Variants in KIF13A observed in about 807,000 individuals in gnomAD.
The protein encoded by KIF13A is kinesin-like protein KIF13A.
KIF13A carries 79 observed loss-of-function variants against 212.2 expected under a neutral mutation model. That is an observed-to-expected ratio of 0.37 (90% CI 0.31 to 0.45). The LOEUF (loss-of-function observed/expected upper bound fraction) is 0.45, where lower values mean the gene tolerates loss of function less well. Ranked by LOEUF, KIF13A falls within the 20% of genes least tolerant of loss-of-function variation. The pLI is 1.00. For missense variants in KIF13A, 1,901 were observed against 2,209.0 expected, an observed-to-expected ratio of 0.86 and a Z score of 2.79; for synonymous variants, 789 against 808.6, an observed-to-expected ratio of 0.98 and a Z score of 0.41.
chr6:17,864,772 T>C (rs756955426), intron 4 of KIF13A, among the ~76,000 whole-genome samples: 14 of 152,194 alleles, frequency 9.2e-5, no homozygotes, highest in Admixed American at 5.2e-4. Context: ...GCTGGAATTA[T>C]AGTCATTGTA....
chr6:17,798,699 G>A (rs1302908768), intron 22 of KIF13A, among the ~76,000 whole-genome samples: 3 of 152,198 alleles, frequency 2.0e-5, no homozygotes, highest in African/African-American at 7.2e-5. Flanking sequence ...GCCAGGAAGA[G>A]TATATGATGT....
In KIF13A at chr6:17,872,517, A is replaced by G. The variant is rs114341162; in HGVS notation, c.220+860T>C. 0.012 allele frequency among the ~76,000 whole-genome samples: 1,840 copies of G among 152,372 alleles called. 38 individuals are homozygous for G. Among genetic ancestry groups the G allele is most frequent in the African/African-American group, 0.042 (1,748 of 41,572 alleles). On this transcript the variant is annotated intron_variant, in intron 4 of 38. Coordinates refer to ENST00000259711, the MANE Select transcript of KIF13A (RefSeq NM_022113.6). This position sits in a 1 kb window ranked among gnomAD's most constrained non-coding sequence, Gnocchi z 4.7. The stretch of plus-strand genomic sequence containing the variant: ...TTAAGTGTTCTTACCACAAAAAAGG[A>G]TAAGTTCATGAGGTAAAGCATGTGT...
intron 25 of KIF13A, among the ~76,000 whole-genome samples, chr6:17,793,931 C>T (rs536827033): frequency 6.6e-6 from 1 of 151,524 alleles, no homozygotes; most frequent in African/African-American, 2.4e-5. Flanking sequence ...AAAACACACA[C>T]AAAAAAACCC....
chr6:17,942,973 T>C (rs944524420), intron 2 of KIF13A, among the ~76,000 whole-genome samples: 1 of 151,734 alleles, frequency 6.6e-6, no homozygotes, highest in South Asian at 2.1e-4. Context: ...AGTGAGACTC[T>C]GTCTCAAAAA....
chr6:17,833,954 AAGCT>A lies in KIF13A; in HGVS notation c.1266+3_1266+6del, dbSNP rs1562033251. ...CCCAATATTTTAGGGCTAAATTATC[AAGCT>A]ACCTGTGCTATCTCTTCTGTTTTTC... On this transcript the variant is annotated splice_donor_5th_base_variant and intron_variant, in intron 12 of 38. Transcript: ENST00000259711. The A allele has an allele frequency of 1.4e-6, 2 of 1,461,954 alleles. No homozygotes were observed. The highest frequency in any genetic ancestry group is 1.9e-6 in the Non-Finnish European group (2 of 1,075,480). The allele number at this position is 1,461,954 out of a possible 1,614,324, so 90.6% of individuals were successfully genotyped here. A position where few individuals can be genotyped will look rare whatever the true frequency, so the allele number is the denominator to read the frequency against.
Position 17,987,148 on chromosome 6 carries a change from A to C in KIF13A, c.56-4T>G, listed in dbSNP as rs1162234723. 5.0e-6 allele frequency: 8 copies of C among 1,609,040 alleles called. No homozygotes were observed. The highest frequency in any genetic ancestry group is 6.8e-6 in the Non-Finnish European group (8 of 1,176,514). On this transcript the variant is annotated splice_polypyrimidine_tract_variant and splice_region_variant and intron_variant, in intron 1 of 38. Coordinates refer to ENST00000259711, the MANE Select transcript of KIF13A (RefSeq NM_022113.6). This position sits in a 1 kb window ranked among gnomAD's most constrained non-coding sequence, Gnocchi z 7.7. ...CACTTGGTGTTCAGTTCCAGTTCTG[A>C]AAGCAGAGAGAAAGGGACGTTGCAA... is the stretch of plus-strand genomic sequence containing the variant.
rs1451700329 is a variant in KIF13A at position 17,889,389 on chromosome 6, CA to C, written c.159+8778del. 2.0e-5 allele frequency among the ~76,000 whole-genome samples: 3 copies of C among 152,122 alleles called. No individual in the cohort carries two copies. The East Asian group carries it at 5.8e-4, about 29-fold the overall frequency. On this transcript the variant is annotated intron_variant, in intron 3 of 38. Coordinates refer to ENST00000259711, the MANE Select transcript of KIF13A (RefSeq NM_022113.6). Reference sequence around the variant, plus strand: ...TCAGTAACCTAACTCATAAATAAAACAAAAAACACCGAAAGTGAATTTAATT... The same window carrying C: ...TCAGTAACCTAACTCATAAATAAAACAAAAACACCGAAAGTGAATTTAATT...
At chr6:17,814,201 T>C (rs11755399) in intron 17 of KIF13A, among the ~76,000 whole-genome samples, 30,214 of 149,622 alleles carry the variant, frequency 0.2, 3,185 homozygotes, top group Admixed American at 0.28. Context: ...TCTGCCCGCC[T>C]TGGCCTCCCA....
Position 17,794,941 on chromosome 6 carries a change from G to A in KIF13A, c.2943-237C>T, listed in dbSNP as rs1761904005. ...TTGAGTATAGAGCTCGATGAGTTTT[G>A]AGAAATGCACATATGAGTGTAACCT... On this transcript the variant is annotated intron_variant, in intron 23 of 38. Coordinates refer to ENST00000259711, the MANE Select transcript of KIF13A (RefSeq NM_022113.6). This position sits in a 1 kb window ranked among gnomAD's most constrained non-coding sequence, Gnocchi z 4.1. 2.2e-6 allele frequency: 1 copy of A among 463,584 alleles called. No homozygotes were observed. The highest frequency in any genetic ancestry group is 2.0e-5 in the African/African-American group (1 of 50,514). The allele number at this position is 463,584 out of a possible 1,614,324, so 28.7% of individuals were successfully genotyped here. A position where few individuals can be genotyped will look rare whatever the true frequency, so the allele number is the denominator to read the frequency against.
At chr6:17,810,464 ACC>A (rs1219505221) in intron 17 of KIF13A, among the ~76,000 whole-genome samples, 5 of 152,112 alleles carry the variant, frequency 3.3e-5, no homozygotes, top group Non-Finnish European at 7.4e-5. Flanking sequence ...CACCTTCTAC[ACC>A]AGTGGTCCCC....
chr6:17,822,040 C>CTTTTTTT, intron 16 of KIF13A: 1 of 615,918 alleles, frequency 1.6e-6, no homozygotes, highest in Non-Finnish European at 2.4e-6. Flanking sequence ...GGAAACATAA[C>CTTTTTTT]TTCTTTTTTT....
Position 17,796,782 on chromosome 6 carries a change from G to T in KIF13A, c.2829C>A (p.Phe943Leu). ...CAATGGCCAGTGCTCCATCTGAAAT[G>T]AACTCCAGAAATTCTTCTGTTACAT... Reference protein sequence around the residue: ...VVNVTEEFLEFISDGALAIEV... With the variant: ...VVNVTEEFLELISDGALAIEV... Residue 943 changes from phenylalanine to leucine, a missense_variant, in exon 23 of 39, where the codon TTC becomes TTA. Phe to Leu is a conservative substitution (Grantham distance 22). This residue lies in a region of KIF13A where 534 missense variants were observed against 536.9 expected (regional missense o/e 0.99). Coordinates refer to ENST00000259711, the MANE Select transcript of KIF13A (RefSeq NM_022113.6). 1 of 1,576,260 alleles carries T rather than the reference G, an allele frequency of 6.3e-7. No individual in the cohort carries two copies. Among genetic ancestry groups the T allele is most frequent in the South Asian group, 1.2e-5 (1 of 86,504 alleles).
Position 17,900,530 on chromosome 6 carries a change from GAAGAA to G in KIF13A, c.147-2355_147-2351del, listed in dbSNP as rs1772956942. ...CTTGTTAAGAACAAATTGAGACTGCGAAGAAAAGAAAAAAGGGAAGCCACAAAGCT... is the reference window on the plus strand; with the variant it reads ...CTTGTTAAGAACAAATTGAGACTGCGAAGAAAAAAGGGAAGCCACAAAGCT... On this transcript the variant is annotated intron_variant, in intron 2 of 38. Coordinates refer to ENST00000259711, the MANE Select transcript of KIF13A (RefSeq NM_022113.6). This position sits in a 1 kb window ranked among gnomAD's most constrained non-coding sequence, Gnocchi z 4.6. 6.6e-6 allele frequency among the ~76,000 whole-genome samples: 1 copy of G among 151,982 alleles called. No homozygotes were observed. Among genetic ancestry groups the G allele is most frequent in the Non-Finnish European group, 1.5e-5 (1 of 67,964 alleles).
chr6:17,936,699 ACAT>A (rs1367744826), intron 2 of KIF13A, among the ~76,000 whole-genome samples: 4 of 152,354 alleles, frequency 2.6e-5, no homozygotes, highest in African/African-American at 4.8e-5. Context: ...AAGTTAACAA[ACAT>A]CATAAAAGTC....
At chr6:17,966,941 A>C (rs1338776325) in intron 2 of KIF13A, among the ~76,000 whole-genome samples, 2 of 152,236 alleles carry the variant, frequency 1.3e-5, no homozygotes, top group Non-Finnish European at 2.9e-5. Context: ...GTGCAGGTCC[A>C]GGCTGAGGGA....
At chr6:17,960,582 T>G (rs1778731757) in intron 2 of KIF13A, among the ~76,000 whole-genome samples, 2 of 152,094 alleles carry the variant, frequency 1.3e-5, no homozygotes, top group African/African-American at 4.8e-5. Context: ...TCAGTTATAG[T>G]TGGGGTTGGG....
chr6:17,885,806 C>T (rs57365430), intron 3 of KIF13A, among the ~76,000 whole-genome samples: 2,802 of 152,296 alleles, frequency 0.018, 99 homozygotes, highest in African/African-American at 0.064. Flanking sequence ...TCAGTTCTAA[C>T]TCTTTCAAAT....
intron 2 of KIF13A, among the ~76,000 whole-genome samples, chr6:17,983,544 G>C (rs1295965586): frequency 6.7e-6 from 1 of 149,106 alleles, no homozygotes; most frequent in Non-Finnish European, 1.5e-5. Flanking sequence ...CCAGGCGAGA[G>C]TGCAGTAGCA....
chr6:17,918,301 T>TA lies in KIF13A; in HGVS notation c.147-20122dup, dbSNP rs1165722026. ...TTTACTGAATAAATACATACATGCA[T>TA]AAAAAATAGTCTCAGAACTGTAGAC... On this transcript the variant is annotated intron_variant, in intron 2 of 38. Transcript: ENST00000259711. This position sits in a 1 kb window ranked among gnomAD's most constrained non-coding sequence, Gnocchi z 4.8. 2.0e-5 allele frequency among the ~76,000 whole-genome samples: 3 copies of TA among 152,162 alleles called. No individual in the cohort carries two copies. The highest frequency in any genetic ancestry group is 1.9e-4 in the East Asian group (1 of 5,188).
Sources: gnomAD v4.1 joint callset for allele counts (sites outside exome capture counted in the v4.1 genomes callset) on GRCh38, gnomAD v4.1.1 for gene constraint, gnomAD v4.1.1 regional missense constraint, Gnocchi (gnomAD v3.1) non-coding constraint, MANE v1.5 for transcripts, NCBI Gene and HGNC (gene_info 2026-07-23, HGNC 2026-07-21) for gene names.